The following AFG1L variants were observed in gnomAD, a reference collection of about 807,000 sequenced individuals.
The protein encoded by AFG1L is AFG1-like ATPase.
AFG1L carries 53 observed loss-of-function variants against 62.2 expected under a neutral mutation model. The observed-to-expected ratio is 0.85, with a 90% CI of 0.68 to 1.07. AFG1L has a LOEUF of 1.07. AFG1L is among the 50% of genes least tolerant of loss of function. The pLI is 0.00. For missense variants in AFG1L, 555 were observed against 590.5 expected (o/e 0.94, Z 0.62); for synonymous variants, 228 against 210.3 (o/e 1.08, Z -0.73).
At chr6:108,515,397 A>G (rs1184887807) in intron 11 of AFG1L, among the ~76,000 whole-genome samples, 1 of 152,222 alleles carries the variant, frequency 6.6e-6, no homozygotes, top group Admixed American at 6.5e-5. Context: ...TCCTGAATGA[A>G]CTACTGGGTA....
intron 6 of AFG1L, among the ~76,000 whole-genome samples, chr6:108,391,670 A>G (rs946359086): frequency 6.6e-6 from 1 of 152,006 alleles, no homozygotes; most frequent in Admixed American, 6.6e-5. Flanking sequence ...TTTATTGCAT[A>G]TGCTTTTGGT....
intron 7 of AFG1L, among the ~76,000 whole-genome samples, chr6:108,440,681 A>G (rs904742883): frequency 6.6e-6 from 1 of 151,818 alleles, no homozygotes; most frequent in Non-Finnish European, 1.5e-5. Flanking sequence ...TTAGCCGGGC[A>G]TGGTGGCGGG....
intron 8 of AFG1L, among the ~76,000 whole-genome samples, chr6:108,457,239 T>C (rs1772285584): frequency 1.3e-5 from 2 of 152,146 alleles, no homozygotes; most frequent in South Asian, 4.1e-4. Context: ...TTTTCTATTG[T>C]CCCATCTGTT....
chr6:108,322,128 G>A (rs1420488749), intron 1 of AFG1L, among the ~76,000 whole-genome samples: 4 of 152,030 alleles, frequency 2.6e-5, no homozygotes, highest in Admixed American at 1.3e-4. Context: ...GGCTGGTCTC[G>A]AACTCCTGAG....
At chr6:108,394,130 C>G (rs1166696282) in intron 6 of AFG1L, among the ~76,000 whole-genome samples, 1 of 142,558 alleles carries the variant, frequency 7.0e-6, no homozygotes, top group Non-Finnish European at 1.5e-5. Context: ...CCTCCCTTCC[C>G]TTCCCCTCCC....
At chr6:108,463,404 C>G (rs1296520831) in intron 8 of AFG1L, among the ~76,000 whole-genome samples, 4 of 116,086 alleles carry the variant, frequency 3.4e-5, no homozygotes, top group African/African-American at 8.4e-5. Flanking sequence ...AACTTCTTCT[C>G]CCTCCTTTTT....
chr6:108,382,040 G>T (rs1481053244), intron 6 of AFG1L, among the ~76,000 whole-genome samples: 4 of 105,078 alleles, frequency 3.8e-5, no homozygotes, highest in East Asian at 3.1e-4. Context: ...TGCTCTTGTT[G>T]TCCAGGCTGG....
Position 108,434,098 on chromosome 6 carries a change from T to C in AFG1L, c.808-13116T>C, listed in dbSNP as rs114849571. Among the ~76,000 whole-genome samples, 478 of 152,236 alleles carry C rather than the reference T, an allele frequency of 3.1e-3. 1 individual carries two copies. The highest frequency in any genetic ancestry group is 0.011 in the African/African-American group (471 of 41,526). ...TGTCTAAATATACATATTGAACAGG[T>C]TATAGGAGGAGCTATGAATATTTAT... On this transcript the variant is annotated intron_variant, in intron 7 of 12. Transcript: ENST00000368977.
At chr6:108,385,655 C>G (rs952440435) in intron 6 of AFG1L, among the ~76,000 whole-genome samples, 1 of 152,202 alleles carries the variant, frequency 6.6e-6, no homozygotes, top group Middle Eastern at 3.2e-3. Flanking sequence ...TTTAATTTCT[C>G]TAGCGCCGCT....
chr6:108,365,097 CT>C (rs1310096969), intron 5 of AFG1L, among the ~76,000 whole-genome samples: 1 of 151,998 alleles, frequency 6.6e-6, no homozygotes, highest in African/African-American at 2.4e-5. Context: ...TGTACTATAT[CT>C]TGTGGATATA....
At chr6:108,400,751 TTA>T (rs1458036545) in intron 6 of AFG1L, among the ~76,000 whole-genome samples, 4 of 126,468 alleles carry the variant, frequency 3.2e-5, no homozygotes, top group East Asian at 2.0e-4. Context: ...ATATATGATA[TTA>T]TATATGTTAT....
At chr6:108,501,854 G>A (rs866265716) in intron 10 of AFG1L, among the ~76,000 whole-genome samples, 2 of 151,960 alleles carry the variant, frequency 1.3e-5, no homozygotes, top group African/African-American at 2.4e-5. Context: ...TTTGTTTCCC[G>A]GTACATATAA....
chr6:108,468,139 A>T (rs1035362197), intron 8 of AFG1L, among the ~76,000 whole-genome samples: 9 of 152,188 alleles, frequency 5.9e-5, no homozygotes, highest in African/African-American at 2.2e-4. Flanking sequence ...GAGTTTACAT[A>T]TAGTTGTTAT....
At chr6:108,346,174 A>G (rs1442743363) in intron 2 of AFG1L, among the ~76,000 whole-genome samples, 1 of 152,222 alleles carries the variant, frequency 6.6e-6, no homozygotes. Context: ...AAATACACAC[A>G]TAAGATTTAC....
intron 7 of AFG1L, among the ~76,000 whole-genome samples, chr6:108,412,439 G>C (rs1244986789): frequency 6.6e-6 from 1 of 152,102 alleles, no homozygotes; most frequent in African/African-American, 2.4e-5. Context: ...TCCTCGAGAA[G>C]AGCAACTCCA....
At chr6:108,390,742 G>A (rs546284665) in intron 6 of AFG1L, among the ~76,000 whole-genome samples, 2 of 152,308 alleles carry the variant, frequency 1.3e-5, no homozygotes, top group African/African-American at 4.8e-5. Flanking sequence ...GTCTCAGAGG[G>A]GTACCCACTG....
intron 2 of AFG1L, among the ~76,000 whole-genome samples, chr6:108,337,138 T>G (rs970055041): frequency 1.3e-5 from 2 of 152,174 alleles, no homozygotes; most frequent in African/African-American, 4.8e-5. Flanking sequence ...AGATTACAAG[T>G]GCAAGATATG....
At chr6:108,322,632 T>TA (rs750734521) in intron 1 of AFG1L, among the ~76,000 whole-genome samples, 27 of 152,102 alleles carry the variant, frequency 1.8e-4, no homozygotes, top group South Asian at 6.2e-4. Context: ...ATGATATATT[T>TA]AAGGACTTTT....
At chr6:108,323,791 A>T in intron 1 of AFG1L, 34 bp from the exon 2 acceptor site, 1 of 1,495,252 alleles carries the variant, frequency 6.7e-7, no homozygotes, top group Non-Finnish European at 9.3e-7. Flanking sequence ...AAATGTATTT[A>T]AGAAAGTCTA....
Sources: gnomAD v4.1 joint callset for allele counts (sites outside exome capture counted in the v4.1 genomes callset) on GRCh38, gnomAD v4.1.1 for gene constraint, MANE v1.5 for transcripts, NCBI Gene and HGNC (gene_info 2026-07-23, HGNC 2026-07-21) for gene names.